The following C10orf90 variants were observed in gnomAD, a reference collection of about 807,000 sequenced individuals.
C10orf90 encodes the protein chromosome 10 open reading frame 90.
A neutral mutation model predicts 62.5 loss-of-function variants in C10orf90; 56 were observed. The ratio of observed to expected loss-of-function variants is 0.90; its 90% CI spans 0.72 to 1.12. The LOEUF (loss-of-function observed/expected upper bound fraction) is 1.12. Ranked by LOEUF, C10orf90 falls within the 50% of genes most tolerant of loss-of-function variation. The pLI is 0.00. For synonymous variants in C10orf90, 386 were observed against 340.4 expected, an observed-to-expected ratio of 1.13 and a Z score of -1.47; for missense variants, 970 against 880.4, an observed-to-expected ratio of 1.10 and a Z score of -1.29.
intron 2 of C10orf90, among the ~76,000 whole-genome samples, chr10:126,542,596 A>G (rs1383065077): frequency 1.3e-5 from 2 of 152,222 alleles, no homozygotes; most frequent in Non-Finnish European, 2.9e-5. Context: ...AATGCACTAA[A>G]TACCACTTAA....
intron 2 of C10orf90, among the ~76,000 whole-genome samples, chr10:126,528,827 T>C (rs1182127167): frequency 6.6e-6 from 1 of 152,180 alleles, no homozygotes; most frequent in Non-Finnish European, 1.5e-5. Context: ...GCAGCCCCTT[T>C]GTATGTGTGA....
intron 2 of C10orf90, among the ~76,000 whole-genome samples, chr10:126,519,642 C>T (rs1308489500): frequency 1.3e-5 from 2 of 152,214 alleles, no homozygotes; most frequent in Non-Finnish European, 2.9e-5. Flanking sequence ...TATTTTAAAA[C>T]AGATGTTTCT....
chr10:126,458,979 C>T, intron 7 of C10orf90, 61 bp downstream of exon 7: 1 of 1,538,110 alleles, frequency 6.5e-7, no homozygotes, highest in Non-Finnish European at 8.8e-7. Context: ...GTGAAGCCTC[C>T]AGCTCCAGGA....
intron 2 of C10orf90, among the ~76,000 whole-genome samples, chr10:126,610,657 A>G (rs1477325929): frequency 6.6e-6 from 1 of 152,262 alleles, no homozygotes; most frequent in Non-Finnish European, 1.5e-5. Context: ...TAAATGATAA[A>G]TGAATATTCA....
intron 7 of C10orf90, among the ~76,000 whole-genome samples, chr10:126,448,092 G>A (rs982214895): frequency 3.8e-5 from 5 of 132,228 alleles, no homozygotes; most frequent in African/African-American, 1.2e-4. Context: ...GGATGGTATC[G>A]ATCTCTTGAC....
intron 2 of C10orf90, among the ~76,000 whole-genome samples, chr10:126,551,270 G>T (rs1864623787): frequency 6.6e-6 from 1 of 152,176 alleles, no homozygotes; most frequent in Non-Finnish European, 1.5e-5. Flanking sequence ...AATAATAAAT[G>T]CTTAGTAGCT....
intron 4 of C10orf90, among the ~76,000 whole-genome samples, chr10:126,501,393 G>C (rs1449788098): frequency 6.6e-6 from 1 of 152,140 alleles, no homozygotes; most frequent in Non-Finnish European, 1.5e-5. Context: ...CACAGCCAGG[G>C]GTGCACGTGT....
chr10:126,520,331 AACTCAAATGCAAGGGAT>A (rs6144147), intron 2 of C10orf90: 134,602 of 151,830 alleles, frequency 0.89, 59,841 homozygotes, highest in African/African-American at 0.95. Context: ...GGTCCTCCAA[AACTCAAATGCAAGGGAT>A]TCGTTTCTCC....
intron 7 of C10orf90, among the ~76,000 whole-genome samples, chr10:126,435,677 C>T (rs1015013751): frequency 2.6e-5 from 4 of 152,144 alleles, no homozygotes; most frequent in Admixed American, 6.5e-5. Flanking sequence ...CTATGAAAAA[C>T]ATTTTTGGAG....
At chr10:126,489,297 A>T (rs970921042) in intron 4 of C10orf90, among the ~76,000 whole-genome samples, 3 of 152,176 alleles carry the variant, frequency 2.0e-5, no homozygotes, top group African/African-American at 7.2e-5. Context: ...CAGGTGCATA[A>T]AAAGCACTTG....
chr10:126,428,041 G>A (rs1857360525), intron 8 of C10orf90, among the ~76,000 whole-genome samples: 8 of 151,938 alleles, frequency 5.3e-5, no homozygotes, highest in Admixed American at 2.0e-4. Context: ...CCATCTATAC[G>A]ATGGACCACT....
At chr10:126,633,988 G>T (rs537142235) in intron 2 of C10orf90, among the ~76,000 whole-genome samples, 137 of 152,306 alleles carry the variant, frequency 9.0e-4, no homozygotes, top group Non-Finnish European at 1.6e-3. Context: ...GATAAGTTTT[G>T]GCGAAGAAGC....
intron 2 of C10orf90, among the ~76,000 whole-genome samples, chr10:126,576,727 TA>T (rs1844629104): frequency 2.7e-5 from 1 of 36,468 alleles, no homozygotes; most frequent in Non-Finnish European, 5.6e-5. Flanking sequence ...AAGATATACA[TA>T]TATATGTATA....
chr10:126,432,934 A>G (rs113901153), intron 7 of C10orf90, among the ~76,000 whole-genome samples: 11 of 152,350 alleles, frequency 7.2e-5, no homozygotes, highest in African/African-American at 2.6e-4. Context: ...TTGGAGAGCC[A>G]TGTGGAGTTT....
At chr10:126,445,655 C>T (rs1210374003) in intron 7 of C10orf90, among the ~76,000 whole-genome samples, 2 of 151,986 alleles carry the variant, frequency 1.3e-5, no homozygotes, top group African/African-American at 4.8e-5. Flanking sequence ...TCAGCAATAC[C>T]ACCACTGGGT....
chr10:126,650,157 T>G (rs1037326502), intron 1 of C10orf90, among the ~76,000 whole-genome samples: 1 of 152,168 alleles, frequency 6.6e-6, no homozygotes, highest in Non-Finnish European at 1.5e-5. Flanking sequence ...TGACTCCAAT[T>G]TTTACTATTT....
chr10:126,574,442 T>C (rs969822861), intron 2 of C10orf90, among the ~76,000 whole-genome samples: 6 of 152,164 alleles, frequency 3.9e-5, no homozygotes, highest in East Asian at 3.9e-4. Flanking sequence ...ATACAAAGTA[T>C]TGCAACCTGA....
chr10:126,650,251 G>C (rs1846264427), intron 1 of C10orf90, among the ~76,000 whole-genome samples: 1 of 152,184 alleles, frequency 6.6e-6, no homozygotes. Context: ...TTTCAAGACT[G>C]TGTCTCCCTT....
At chr10:126,460,654 C>T (rs976709518) in intron 6 of C10orf90, among the ~76,000 whole-genome samples, 14 of 152,270 alleles carry the variant, frequency 9.2e-5, no homozygotes, top group African/African-American at 3.1e-4. Flanking sequence ...CCTTGGCTGT[C>T]CACCCCACCA....
Sources: gnomAD v4.1 joint callset for allele counts (sites outside exome capture counted in the v4.1 genomes callset) on GRCh38, gnomAD v4.1.1 for gene constraint, MANE v1.5 for transcripts, NCBI Gene and HGNC (gene_info 2026-07-23, HGNC 2026-07-21) for gene names.